TPD52: variants seen among roughly 807,000 people sequenced by gnomAD.
The protein encoded by TPD52 is prostate and colon associated protein.
TPD52 carries 17 observed loss-of-function variants against 31.3 expected under a neutral mutation model. That is an observed-to-expected ratio of 0.54 (90% CI 0.37 to 0.82). The LOEUF (loss-of-function observed/expected upper bound fraction) is 0.82. Among genes scored for constraint, TPD52 ranks in the 40% least tolerant of loss-of-function variants. The pLI is 0.00. For synonymous variants in TPD52, 83 were observed against 89.6 expected, an observed-to-expected ratio of 0.93 and a Z score of 0.42; for missense variants, 212 against 240.1, an observed-to-expected ratio of 0.88 and a Z score of 0.77.
At chr8:80,051,664 G>A in intron 3 of TPD52, 36 bp from the exon 4 acceptor site, 2 of 1,489,290 alleles carry the variant, frequency 1.3e-6, no homozygotes, top group Non-Finnish European at 1.8e-6. Context: ...GCAAAAGAAG[G>A]GTCAGCTCAT....
intron 1 of TPD52, among the ~76,000 whole-genome samples, chr8:80,115,150 G>A (rs1186041173): frequency 6.6e-6 from 1 of 152,122 alleles, no homozygotes; most frequent in East Asian, 1.9e-4. Context: ...TAAACACAGA[G>A]GGCTGCCCTA....
At chr8:80,080,342 G>A (rs1267898558) in intron 1 of TPD52, 2 of 1,614,126 alleles carry the variant, frequency 1.2e-6, no homozygotes, top group Non-Finnish European at 8.5e-7. Flanking sequence ...GGTGATCCGG[G>A]TGGAGATGAA....
chr8:80,156,719 C>T (rs558056272), intron 1 of TPD52, among the ~76,000 whole-genome samples: 4 of 152,122 alleles, frequency 2.6e-5, no homozygotes, highest in Admixed American at 6.5e-5. Flanking sequence ...AAGGAAGGTA[C>T]GAATTAAGAA....
chr8:80,055,958 C>T (rs1387560154), intron 2 of TPD52, among the ~76,000 whole-genome samples: 1 of 152,060 alleles, frequency 6.6e-6, no homozygotes, highest in Non-Finnish European at 1.5e-5. Flanking sequence ...TTAGTACAGC[C>T]ACTATGAAAA....
chr8:80,139,626 T>C (rs1226076822), intron 1 of TPD52, among the ~76,000 whole-genome samples: 1 of 124,794 alleles, frequency 8.0e-6, no homozygotes, highest in Non-Finnish European at 1.6e-5. Flanking sequence ...CAAGTAGCAA[T>C]AAACGGGGGG....
At chr8:80,084,322 C>G (rs1815564796) in intron 1 of TPD52, among the ~76,000 whole-genome samples, 14 of 152,242 alleles carry the variant, frequency 9.2e-5, no homozygotes, top group Admixed American at 9.2e-4. Flanking sequence ...ACCCCATCCC[C>G]TTGTTCACAG....
intron 1 of TPD52, among the ~76,000 whole-genome samples, chr8:80,130,370 G>A (rs1034327509): frequency 1.3e-5 from 2 of 152,276 alleles, no homozygotes; most frequent in South Asian, 4.2e-4. Flanking sequence ...TTTAAGGACC[G>A]ATTGCTCTTA....
At chr8:80,075,425 A>G (rs1814425077) in intron 1 of TPD52, among the ~76,000 whole-genome samples, 3 of 152,228 alleles carry the variant, frequency 2.0e-5, no homozygotes, top group Admixed American at 2.0e-4. Context: ...AACAGTGGTC[A>G]ATGTCCCCAC....
At chr8:80,105,658 A>G (rs1278693333) in intron 1 of TPD52, among the ~76,000 whole-genome samples, 1 of 150,270 alleles carries the variant, frequency 6.7e-6, no homozygotes, top group Admixed American at 6.6e-5. Flanking sequence ...CCTGCTACAA[A>G]CCTTCTGGAC....
intron 1 of TPD52, among the ~76,000 whole-genome samples, chr8:80,096,277 A>G (rs1816727392): frequency 8.0e-6 from 1 of 125,614 alleles, no homozygotes; most frequent in African/African-American, 3.0e-5. Flanking sequence ...AAGACTATCA[A>G]ACACACACAC....
intron 1 of TPD52, among the ~76,000 whole-genome samples, chr8:80,112,504 GTAGTCCATAAATAAAGAAACAC>G (rs1807564255): frequency 6.6e-6 from 1 of 152,036 alleles, no homozygotes; most frequent in South Asian, 2.1e-4. Context: ...TCTGGTATGA[GTAGTCCATAAATAAAGAAACAC>G]TAGACTCTTG....
At chr8:80,148,657 G>A (rs963832015) in intron 1 of TPD52, among the ~76,000 whole-genome samples, 1 of 152,074 alleles carries the variant, frequency 6.6e-6, no homozygotes, top group Non-Finnish European at 1.5e-5. Context: ...TTTTGCTGAA[G>A]AGAAAATGCT....
At chr8:80,070,727 G>A (rs2130746029) in intron 1 of TPD52, among the ~76,000 whole-genome samples, 1 of 152,300 alleles carries the variant, frequency 6.6e-6, no homozygotes. Flanking sequence ...ATATAAAGAT[G>A]AGAAAACTGA....
At chr8:80,073,763 C>T (rs1295471827) in intron 1 of TPD52, among the ~76,000 whole-genome samples, 3 of 152,138 alleles carry the variant, frequency 2.0e-5, no homozygotes, top group Non-Finnish European at 2.9e-5. Flanking sequence ...CTGTTTTTAC[C>T]TAGAAAGGTT....
At chr8:80,063,340 G>A (rs1812754183) in intron 2 of TPD52, among the ~76,000 whole-genome samples, 1 of 152,176 alleles carries the variant, frequency 6.6e-6, no homozygotes, top group Non-Finnish European at 1.5e-5. Flanking sequence ...ATAACCAGAA[G>A]ACAGTTAAAT....
intron 6 of TPD52, among the ~76,000 whole-genome samples, chr8:80,043,937 C>T (rs564928338): frequency 6.6e-6 from 1 of 152,194 alleles, no homozygotes; most frequent in East Asian, 1.9e-4. Flanking sequence ...AAAGGTTTTA[C>T]AAAATAAAAT....
intron 1 of TPD52, among the ~76,000 whole-genome samples, chr8:80,155,676 G>A (rs1480397947): frequency 6.6e-6 from 1 of 152,176 alleles, no homozygotes; most frequent in Non-Finnish European, 1.5e-5. Flanking sequence ...TTGAGGTCGG[G>A]AGTTCAAGAT....
intron 1 of TPD52, among the ~76,000 whole-genome samples, chr8:80,135,754 T>A (rs1016759541): frequency 1.4e-5 from 2 of 147,024 alleles, no homozygotes; most frequent in Non-Finnish European, 3.0e-5. Context: ...AATGATAGAC[T>A]GGATTAAGAA....
chr8:80,076,721 C>T (rs1449638991), intron 1 of TPD52, among the ~76,000 whole-genome samples: 1 of 152,138 alleles, frequency 6.6e-6, no homozygotes, highest in Non-Finnish European at 1.5e-5. Flanking sequence ...GTCACCCAGG[C>T]TGGAGTGCAG....
Sources: gnomAD v4.1 joint callset for allele counts (sites outside exome capture counted in the v4.1 genomes callset) on GRCh38, gnomAD v4.1.1 for gene constraint, MANE v1.5 for transcripts, NCBI Gene and HGNC (gene_info 2026-07-23, HGNC 2026-07-21) for gene names.